APC: variants seen among roughly 807,000 people sequenced by gnomAD.
APC encodes adenomatous polyposis coli protein.
In APC, 72 loss-of-function variants were observed where a neutral mutation model predicts 247.0. The observed-to-expected ratio is 0.29, with a 90% confidence interval of 0.24 to 0.35. The LOEUF (loss-of-function observed/expected upper bound fraction) is 0.35. APC is among the 10% of genes least tolerant of loss of function. The pLI is 1.00. For synonymous variants in APC, 1,254 were observed against 1,162.5 expected (o/e 1.08, Z -1.60); for missense variants, 3,400 against 3,360.7 (o/e 1.01, Z -0.29).
intron 14 of APC, among the ~76,000 whole-genome samples, chr5:112,831,696 C>T (rs150608257): frequency 5.9e-5 from 9 of 152,260 alleles, no homozygotes; most frequent in East Asian, 1.9e-4. Context: ...CTCTGTACTC[C>T]GTTCACTTAA....
rs1561611983 is a variant in APC at position 112,842,608 on chromosome 5, T to C, written c.7014T>C (p.Pro2338=). The change falls in exon 16 of 16, where the codon CCT becomes CCC. Residue 2338 remains proline (P), a synonymous_variant. Transcript: ENST00000257430. ...CCCCTGGTAGAAATGGAATAAGTCCTCCTAACAAATTATCTCAACTTCCAA... is the reference window on the plus strand; with the variant it reads ...CCCCTGGTAGAAATGGAATAAGTCCCCCTAACAAATTATCTCAACTTCCAA... ...SISPGRNGIS[P]PNKLSQLPRT... is the part of the protein sequence containing the mutation. The C allele has an allele frequency of 6.2e-7, 1 of 1,613,840 alleles. No homozygotes were observed. Among genetic ancestry groups the C allele is most frequent in the Non-Finnish European group, 8.5e-7 (1 of 1,179,774 alleles).
intron 1 of APC, among the ~76,000 whole-genome samples, chr5:112,723,195 T>G (rs777317631): frequency 6.6e-6 from 1 of 152,170 alleles, no homozygotes; most frequent in Non-Finnish European, 1.5e-5. Flanking sequence ...AGCCAGGAAC[T>G]GGCTGGGCGT....
chr5:112,821,990 A>G lies in APC; in HGVS notation c.1407A>G (p.Leu469=), dbSNP rs1580542866. 1 of 1,601,936 alleles carries G rather than the reference A, an allele frequency of 6.2e-7. No homozygotes were observed. The highest frequency in any genetic ancestry group is 8.5e-7 in the Non-Finnish European group (1 of 1,169,848). Reference sequence around the variant, plus strand: ...AGCATAGACATGCAATGAATGAACTAGGTAAGACAAAAATGTTTTTTAATG... The same window carrying G: ...AGCATAGACATGCAATGAATGAACTGGGTAAGACAAAAATGTTTTTTAATG... ...DEEHRHAMNE[L]GGLQAIAELL... Residue 469 remains leucine, a splice_region_variant and synonymous_variant, in exon 11 of 16, where the codon CTA becomes CTG. Coordinates refer to ENST00000257430, the MANE Select transcript of APC (RefSeq NM_000038.6).
rs1187134559 is a variant in APC, at chr5:112,815,483, C to G, written c.835-12C>G. The G allele has an allele frequency of 6.2e-7, 1 of 1,600,330 alleles. No homozygotes were observed. The highest frequency in any genetic ancestry group is 8.6e-7 in the Non-Finnish European group (1 of 1,168,998). ...TCTAAATTATACCATCTATAATGTG[C>G]TTAATTTTTAGGGTTCAACTACACG... On this transcript the variant is annotated splice_polypyrimidine_tract_variant and intron_variant, in intron 8 of 15. Coordinates refer to ENST00000257430, the MANE Select transcript of APC (RefSeq NM_000038.6).
At chr5:112,718,035 C>T (rs753710103) in intron 1 of APC, among the ~76,000 whole-genome samples, 3 of 143,678 alleles carry the variant, frequency 2.1e-5, no homozygotes, top group Non-Finnish European at 3.0e-5. Flanking sequence ...CTGTTATTAA[C>T]TCATTCAGTA....
At chr5:112,827,792 T>C (rs1763853219) in intron 12 of APC, 137 bp from the exon 13 acceptor site, 1 of 710,132 alleles carries the variant, frequency 1.4e-6, no homozygotes, top group Non-Finnish European at 2.5e-6. Flanking sequence ...AATCTTATTC[T>C]AGATTTTTTA....
intron 1 of APC, among the ~76,000 whole-genome samples, chr5:112,749,456 A>G (rs1754048782): frequency 6.6e-6 from 1 of 151,384 alleles, no homozygotes. Context: ...AGGAGGGGAA[A>G]GATATTAATA....
In APC at chr5:112,838,062, C is replaced by T. The variant is rs1580622630; in HGVS notation, c.2468C>T (p.Ser823Leu). The T allele has an allele frequency of 1.2e-6, 2 of 1,614,178 alleles. No homozygotes were observed. Among genetic ancestry groups the T allele is most frequent in the Admixed American group, 1.7e-5 (1 of 60,026 alleles). ...AATACTGGCAACATGACTGTCCTTT[C>T]ACCATATTTGAATACTACAGTGTTA... is the stretch of plus-strand genomic sequence containing the variant. ...NFNTGNMTVLSPYLNTTVLPS... is the reference protein window; with the variant it reads ...NFNTGNMTVLLPYLNTTVLPS... The change falls in exon 16 of 16, where the codon TCA becomes TTA. Residue 823 changes from serine to leucine, a missense_variant. Transcript: ENST00000257430.
rs730881260 is a variant in APC at position 112,842,858 on chromosome 5, A to C, written c.7264A>C (p.Thr2422Pro). ...KKVELSRMSS[T>P]KSSGSESDRS... The stretch of plus-strand genomic sequence containing the variant: ...GGTAGAACTTTCTAGAATGTCTTCA[A>C]CTAAATCAAGTGGAAGTGAATCTGA... The change falls in exon 16 of 16, where the codon ACT becomes CCT. Residue 2422 changes from threonine (T) to proline (P), a missense_variant. Thr to Pro is a conservative substitution (Grantham distance 38, BLOSUM62 -1). Coordinates refer to ENST00000257430, the MANE Select transcript of APC (RefSeq NM_000038.6). 6.2e-7 allele frequency: 1 copy of C among 1,614,016 alleles called. No individual in the cohort carries two copies.
At chr5:112,782,747 C>T (rs987270348) in intron 6 of APC, among the ~76,000 whole-genome samples, 2 of 151,944 alleles carry the variant, frequency 1.3e-5, no homozygotes, top group African/African-American at 4.8e-5. Context: ...AGACTTAAAA[C>T]GCTAATGATA....
chr5:112,836,130 C>T (rs1416288292), intron 15 of APC, among the ~76,000 whole-genome samples: 1 of 137,542 alleles, frequency 7.3e-6, no homozygotes, highest in Admixed American at 7.5e-5. Context: ...AAGCGATTCT[C>T]CTGCCTCAGC....
At chr5:112,786,776 C>G (rs1758997431) in intron 6 of APC, among the ~76,000 whole-genome samples, 1 of 151,966 alleles carries the variant, frequency 6.6e-6, no homozygotes, top group South Asian at 2.1e-4. Context: ...AAGAGTTTCT[C>G]TAGGTGAGGA....
chr5:112,711,791 G>C (rs921467631), intron 1 of APC, among the ~76,000 whole-genome samples: 1 of 152,210 alleles, frequency 6.6e-6, no homozygotes, highest in African/African-American at 2.4e-5. Context: ...GAAGTGGCTT[G>C]AAGAGTGCTT....
chr5:112,807,292 G>A (rs1761519911), intron 8 of APC, among the ~76,000 whole-genome samples: 1 of 152,116 alleles, frequency 6.6e-6, no homozygotes, highest in Non-Finnish European at 1.5e-5. Context: ...TTGTATTTTA[G>A]GGAGTTCTGG....
chr5:112,800,255 G>A (rs1176554605), intron 7 of APC, among the ~76,000 whole-genome samples: 1 of 152,044 alleles, frequency 6.6e-6, no homozygotes, highest in Non-Finnish European at 1.5e-5. Flanking sequence ...GATTCATTTT[G>A]TCTCTAGGTT....
At chr5:112,774,334 G>A (rs988302025) in intron 4 of APC, among the ~76,000 whole-genome samples, 7 of 152,024 alleles carry the variant, frequency 4.6e-5, no homozygotes, top group African/African-American at 1.7e-4. Context: ...GCTAATTAGA[G>A]CATTTTTGGA....
At chr5:112,711,206 A>G (rs966177073) in intron 1 of APC, among the ~76,000 whole-genome samples, 3 of 152,246 alleles carry the variant, frequency 2.0e-5, no homozygotes, top group Admixed American at 2.0e-4. Context: ...GCGGCATTAG[A>G]TTCTCATAGT....
chr5:112,831,028 A>ATG (rs1352252053), intron 14 of APC, among the ~76,000 whole-genome samples: 3 of 152,142 alleles, frequency 2.0e-5, no homozygotes, highest in African/African-American at 7.2e-5. Flanking sequence ...GAAGGATTTA[A>ATG]TGTGTGTGTG....
chr5:112,720,136 A>G (rs1311475562), intron 1 of APC, among the ~76,000 whole-genome samples: 1 of 152,204 alleles, frequency 6.6e-6, no homozygotes, highest in Non-Finnish European at 1.5e-5. Context: ...TTAGTATAAC[A>G]TACCAATATA....
Sources: gnomAD v4.1 joint callset for allele counts (sites outside exome capture counted in the v4.1 genomes callset) on GRCh38, gnomAD v4.1.1 for gene constraint, MANE v1.5 for transcripts, NCBI Gene and HGNC (gene_info 2026-07-23, HGNC 2026-07-21) for gene names.